The following STAG1 variants were observed in gnomAD, a reference collection of about 807,000 sequenced individuals.
The protein encoded by STAG1 is cohesin subunit SA-1.
In STAG1, 26 loss-of-function variants were observed where a neutral mutation model predicts 170.9. The observed-to-expected ratio is 0.15, with a 90% CI of 0.11 to 0.21. The LOEUF (loss-of-function observed/expected upper bound fraction) is 0.21, where lower values mean the gene tolerates loss of function less well. STAG1 is among the 10% of genes least tolerant of loss of function. STAG1 has a pLI of 1.00. For synonymous variants in STAG1, 514 were observed against 497.7 expected, an observed-to-expected ratio of 1.03 and a Z score of -0.44; for missense variants, 964 against 1,509.5, an observed-to-expected ratio of 0.64 and a Z score of 5.99.
chr3:136,466,178 G>T lies in STAG1; in HGVS notation c.1206-1190C>A, dbSNP rs549287564. Among the ~76,000 whole-genome samples the T allele has an allele frequency of 3.9e-5, 6 of 152,320 alleles. No homozygotes were observed. The East Asian group carries it at 1.2e-3, about 29-fold the overall frequency. ...GAATGACTTTCACGAGCTGACAGAA[G>T]AAGGCTACAGACGATCAAACTTCTC... On this transcript the variant is annotated intron_variant, in intron 12 of 33. Coordinates refer to ENST00000383202, the MANE Select transcript of STAG1 (RefSeq NM_005862.3).
At chr3:136,494,925 C>T (rs1475396880) in intron 9 of STAG1, among the ~76,000 whole-genome samples, 1 of 152,074 alleles carries the variant, frequency 6.6e-6, no homozygotes, top group East Asian at 1.9e-4. Context: ...ATTACAATCC[C>T]TATGATAATT....
chr3:136,576,842 A>C (rs1937479912), intron 4 of STAG1, among the ~76,000 whole-genome samples: 1 of 152,240 alleles, frequency 6.6e-6, no homozygotes, highest in Admixed American at 6.5e-5. Flanking sequence ...TTGGTTAAGC[A>C]GACAAGGGCA....
At position 136,533,957 on chromosome 3, in the gene STAG1, G is replaced by A. The variant is rs374618827; in HGVS notation, c.471+8162C>T. Among the ~76,000 whole-genome samples, 60 of 152,074 alleles carry A rather than the reference G, an allele frequency of 3.9e-4. No individual in the cohort carries two copies. In the East Asian group the frequency reaches 9.8e-3, roughly 25 times the overall value. On this transcript the variant is annotated intron_variant, in intron 6 of 33. Transcript: ENST00000383202. Reference sequence around the variant, plus strand: ...AAGCAAAACAAACAAACAAATGAACGAAACAAAACAAAAACAAAGCTGAAG... The same window carrying A: ...AAGCAAAACAAACAAACAAATGAACAAAACAAAACAAAAACAAAGCTGAAG...
At chr3:136,399,766 A>G (rs2087264749) in intron 21 of STAG1, among the ~76,000 whole-genome samples, 1 of 152,156 alleles carries the variant, frequency 6.6e-6, no homozygotes, top group African/African-American at 2.4e-5. Flanking sequence ...TATACTCTTA[A>G]AAGTTACTAA....
Position 136,337,579 on chromosome 3 carries a change from AAAAT to A in STAG1, c.*671_*674del, listed in dbSNP as rs1365049486. 1 of 152,656 alleles carries A rather than the reference AAAAT, an allele frequency of 6.6e-6. No homozygotes were observed. Among genetic ancestry groups the A allele is most frequent in the Non-Finnish European group, 1.5e-5 (1 of 68,038 alleles). 9.5% of individuals were successfully genotyped at this position (152,656 alleles called of 1,614,324 possible). ...CTTATTTTATGCCCACTTATAAATAAAAATAAACCTTTTATTCAAGAGTATATAA... is the reference window on the plus strand; with the variant it reads ...CTTATTTTATGCCCACTTATAAATAAAAACCTTTTATTCAAGAGTATATAA... On this transcript the variant is annotated 3_prime_UTR_variant, in exon 34 of 34. Transcript: ENST00000383202.
At chr3:136,473,101 C>T (rs752154124) in intron 11 of STAG1, among the ~76,000 whole-genome samples, 1 of 152,148 alleles carries the variant, frequency 6.6e-6, no homozygotes, top group Non-Finnish European at 1.5e-5. Flanking sequence ...ATGAACCCTA[C>T]TGTGAACTGC....
At chr3:136,571,612 G>A (rs1937267739) in intron 4 of STAG1, among the ~76,000 whole-genome samples, 1 of 152,120 alleles carries the variant, frequency 6.6e-6, no homozygotes, top group Non-Finnish European at 1.5e-5. Flanking sequence ...ACTTGCACCT[G>A]TAATTCCAAC....
intron 1 of STAG1, among the ~76,000 whole-genome samples, chr3:136,697,083 A>G (rs900844531): frequency 2.6e-5 from 4 of 152,200 alleles, no homozygotes; most frequent in Admixed American, 2.6e-4. Flanking sequence ...CTAAGTTAGT[A>G]TTTATGATGC....
intron 1 of STAG1, among the ~76,000 whole-genome samples, chr3:136,686,059 A>G (rs1003629770): frequency 1.3e-5 from 2 of 152,210 alleles, no homozygotes; most frequent in Non-Finnish European, 2.9e-5. Context: ...AACTAGCCAC[A>G]GAGTAAGGCA....
At chr3:136,514,484 C>G (rs141170714) in intron 7 of STAG1, among the ~76,000 whole-genome samples, 99 of 152,310 alleles carry the variant, frequency 6.5e-4, no homozygotes, top group African/African-American at 2.2e-3. Flanking sequence ...CTAGTTCAAC[C>G]ATTGTGGAAG....
chr3:136,470,044 T>C (rs930874516), intron 12 of STAG1, among the ~76,000 whole-genome samples: 8 of 152,008 alleles, frequency 5.3e-5, no homozygotes, highest in Non-Finnish European at 8.8e-5. Context: ...AGAAGAAAAC[T>C]TAGGCAATAC....
At chr3:136,695,418 C>T (rs1942854920) in intron 1 of STAG1, among the ~76,000 whole-genome samples, 1 of 148,768 alleles carries the variant, frequency 6.7e-6, no homozygotes, top group African/African-American at 2.5e-5. Context: ...GCCTGGGCAA[C>T]AGAGTGAGAC....
At chr3:136,664,604 G>A (rs1941690476) in intron 1 of STAG1, among the ~76,000 whole-genome samples, 1 of 152,036 alleles carries the variant, frequency 6.6e-6, no homozygotes, top group Non-Finnish European at 1.5e-5. Context: ...TCCATGAAAA[G>A]TTTAGAACCA....
intron 26 of STAG1, among the ~76,000 whole-genome samples, 186 bp downstream of exon 26, chr3:136,363,179 AT>A (rs2108286655): frequency 6.6e-6 from 1 of 152,210 alleles, no homozygotes; most frequent in East Asian, 1.9e-4. Flanking sequence ...GAACTCTAGG[AT>A]TTTCTTCCAA....
chr3:136,539,591 G>A (rs1576585074), intron 6 of STAG1, among the ~76,000 whole-genome samples: 1 of 152,144 alleles, frequency 6.6e-6, no homozygotes, highest in Non-Finnish European at 1.5e-5. Flanking sequence ...ACATATGAAG[G>A]TGCAATTCCA....
At chr3:136,707,538 A>C (rs1198196081) in intron 1 of STAG1, among the ~76,000 whole-genome samples, 1 of 151,140 alleles carries the variant, frequency 6.6e-6, no homozygotes, top group Admixed American at 6.6e-5. Flanking sequence ...TGTGTTGCTT[A>C]TAACAGAATA....
intron 16 of STAG1, among the ~76,000 whole-genome samples, chr3:136,427,481 C>A (rs539025320): frequency 1.3e-5 from 2 of 152,152 alleles, no homozygotes; most frequent in Non-Finnish European, 2.9e-5. Flanking sequence ...ATACCATAAA[C>A]CTTGAATAAC....
chr3:136,361,427 T>C (rs560099992), intron 26 of STAG1, among the ~76,000 whole-genome samples: 1 of 152,200 alleles, frequency 6.6e-6, no homozygotes, highest in Non-Finnish European at 1.5e-5. Context: ...TCCATGTAGA[T>C]ACCTAGAAGC....
chr3:136,583,327 T>C (rs1302320594), intron 4 of STAG1, among the ~76,000 whole-genome samples: 1 of 152,174 alleles, frequency 6.6e-6, no homozygotes, highest in Non-Finnish European at 1.5e-5. Context: ...CTCAATATAA[T>C]ATCTATAAAT....
Sources: gnomAD v4.1 joint callset for allele counts (sites outside exome capture counted in the v4.1 genomes callset) on GRCh38, gnomAD v4.1.1 for gene constraint, MANE v1.5 for transcripts, NCBI Gene and HGNC (gene_info 2026-07-23, HGNC 2026-07-21) for gene names.